DMRT1: variants seen among roughly 807,000 people sequenced by gnomAD.
The protein encoded by DMRT1 is doublesex and mab-3 related transcription factor 1.
Under a neutral mutation model 32.3 loss-of-function variants are expected in DMRT1, and 7 were observed. That is an observed-to-expected ratio of 0.22 (90% confidence interval 0.12 to 0.41). The LOEUF is 0.41. DMRT1 is among the 10% of genes least tolerant of loss of function. The pLI, the probability that DMRT1 is intolerant of heterozygous loss-of-function variation, is 1.00. For missense variants in DMRT1, 625 were observed against 500.5 expected (o/e 1.25, Z -2.37); for synonymous variants, 278 against 206.1 (o/e 1.35, Z -2.99).
At chr9:892,348 G>C (rs1205895933) in intron 2 of DMRT1, among the ~76,000 whole-genome samples, 1 of 152,024 alleles carries the variant, frequency 6.6e-6, no homozygotes, top group Non-Finnish European at 1.5e-5. Context: ...CTTGGATCTG[G>C]CTTCCAGTCT....
Position 847,115 on chromosome 9 carries a change from G to T in DMRT1, c.510G>T (p.Pro170=), listed in dbSNP as rs141173722. ...GCAGTGGCACCTCTCAGCCACCGCC[G>T]GCCAGTGTCCCCACCACTGCAGCTT... is the stretch of plus-strand genomic sequence containing the variant. The part of the protein sequence containing the change: ...TECSGTSQPP[P]ASVPTTAASE... Residue 170 remains proline, a synonymous_variant, in exon 2 of 5, where the codon CCG becomes CCT. Transcript: ENST00000382276. 6.2e-7 allele frequency: 1 copy of T among 1,613,316 alleles called. No homozygotes were observed. Among genetic ancestry groups the T allele is most frequent in the African/African-American group, 1.3e-5 (1 of 75,018 alleles).
chr9:851,310 C>T (rs1346726537), intron 2 of DMRT1, among the ~76,000 whole-genome samples: 1 of 152,128 alleles, frequency 6.6e-6, no homozygotes, highest in South Asian at 2.1e-4. Flanking sequence ...GCAATCTTGG[C>T]TCACTGCAAC....
chr9:962,325 A>G (rs1564279420), intron 4 of DMRT1, among the ~76,000 whole-genome samples: 1 of 152,054 alleles, frequency 6.6e-6, no homozygotes, highest in Non-Finnish European at 1.5e-5. Flanking sequence ...CTGGAGCATC[A>G]CCATTGCTGA....
chr9:903,617 G>C (rs992315496), intron 3 of DMRT1, among the ~76,000 whole-genome samples: 6 of 152,212 alleles, frequency 3.9e-5, no homozygotes, highest in Non-Finnish European at 8.8e-5. Context: ...GGGAAGTTTA[G>C]CCGCTGAGCC....
At chr9:847,199 G>A (rs986442852) in intron 2 of DMRT1, 56 bp downstream of exon 2, 3 of 1,576,508 alleles carry the variant, frequency 1.9e-6, no homozygotes, top group Admixed American at 1.7e-5. Flanking sequence ...AGGCCGAAGG[G>A]TTGCAGCCAC....
chr9:870,708 A>ATTTTTTTTTTTTTT (rs1564211315), intron 2 of DMRT1, among the ~76,000 whole-genome samples: 1 of 36,256 alleles, frequency 2.8e-5, no homozygotes, highest in African/African-American at 1.2e-4. Flanking sequence ...CATTTTCTTG[A>ATTTTTTTTTTTTTT]CTTTTTTTTT....
chr9:853,200 C>G (rs1815235644), intron 2 of DMRT1, among the ~76,000 whole-genome samples: 1 of 152,098 alleles, frequency 6.6e-6, no homozygotes, highest in Non-Finnish European at 1.5e-5. Context: ...ACCAGCATCC[C>G]CATCAGAGTG....
intron 3 of DMRT1, among the ~76,000 whole-genome samples, chr9:908,346 T>A (rs1341086229): frequency 6.6e-6 from 1 of 152,112 alleles, no homozygotes; most frequent in Non-Finnish European, 1.5e-5. Flanking sequence ...TAGTTCTAGC[T>A]ACTCAGGAGC....
chr9:938,517 A>G (rs865931330), intron 4 of DMRT1, among the ~76,000 whole-genome samples: 13 of 152,226 alleles, frequency 8.5e-5, no homozygotes, highest in Admixed American at 2.6e-4. Context: ...TCTGAATATT[A>G]TTTTTGATGG....
chr9:941,827 T>C (rs1819083604), intron 4 of DMRT1, among the ~76,000 whole-genome samples: 1 of 152,236 alleles, frequency 6.6e-6, no homozygotes, highest in African/African-American at 2.4e-5. Flanking sequence ...ATGTAGTAAG[T>C]CACATTGATG....
intron 2 of DMRT1, among the ~76,000 whole-genome samples, chr9:870,511 T>C (rs910435276): frequency 6.6e-6 from 1 of 152,172 alleles, no homozygotes; most frequent in Non-Finnish European, 1.5e-5. Flanking sequence ...ATTTTTTCAC[T>C]AAGCTTAGCT....
intron 2 of DMRT1, among the ~76,000 whole-genome samples, chr9:871,823 A>G (rs1456753963): frequency 6.6e-6 from 1 of 151,210 alleles, no homozygotes; most frequent in African/African-American, 2.5e-5. Flanking sequence ...AAGATGGCCC[A>G]GCATTTTTGT....
chr9:873,216 T>G (rs990723187), intron 2 of DMRT1, among the ~76,000 whole-genome samples: 1 of 152,248 alleles, frequency 6.6e-6, no homozygotes, highest in Non-Finnish European at 1.5e-5. Context: ...GTCTGTCTTC[T>G]TTAGAGAAAA....
intron 3 of DMRT1, among the ~76,000 whole-genome samples, chr9:915,555 A>G (rs1326137944): frequency 6.6e-6 from 1 of 151,986 alleles, no homozygotes; most frequent in East Asian, 1.9e-4. Flanking sequence ...GCTCTGCCCC[A>G]TGTGTCCAGT....
chr9:922,221 A>G (rs1818377339), intron 4 of DMRT1, among the ~76,000 whole-genome samples: 1 of 151,852 alleles, frequency 6.6e-6, no homozygotes, highest in Admixed American at 6.6e-5. Flanking sequence ...TTTTTATTGT[A>G]TTTTGCCAAA....
intron 3 of DMRT1, among the ~76,000 whole-genome samples, chr9:912,816 A>G (rs951608411): frequency 2.0e-5 from 3 of 152,166 alleles, no homozygotes; most frequent in African/African-American, 7.2e-5. Flanking sequence ...CTTTGAAAAT[A>G]TCCAGGGCCC....
chr9:899,257 G>A (rs1290052169), intron 3 of DMRT1, among the ~76,000 whole-genome samples: 1 of 151,864 alleles, frequency 6.6e-6, no homozygotes, highest in Non-Finnish European at 1.5e-5. Flanking sequence ...AAAAAAAACT[G>A]ACTCTAGTGG....
intron 2 of DMRT1, among the ~76,000 whole-genome samples, chr9:856,452 T>A (rs1183798958): frequency 6.6e-6 from 1 of 152,214 alleles, no homozygotes; most frequent in Non-Finnish European, 1.5e-5. Context: ...TACAGAGGTG[T>A]CTATTCTGGA....
chr9:865,918 C>G (rs543498823), intron 2 of DMRT1, among the ~76,000 whole-genome samples: 1 of 152,212 alleles, frequency 6.6e-6, no homozygotes, highest in African/African-American at 2.4e-5. Flanking sequence ...AATCCCAGCA[C>G]TTTGGGAGGC....
Sources: gnomAD v4.1 joint callset for allele counts (sites outside exome capture counted in the v4.1 genomes callset) on GRCh38, gnomAD v4.1.1 for gene constraint, MANE v1.5 for transcripts, NCBI Gene and HGNC (gene_info 2026-07-23, HGNC 2026-07-21) for gene names.